Variants in NOS1AP observed in about 807,000 individuals in gnomAD.
NOS1AP encodes the protein carboxyl-terminal PDZ ligand of neuronal nitric oxide synthase protein.
NOS1AP carries 21 observed loss-of-function variants against 56.2 expected under a neutral mutation model. The ratio of observed to expected loss-of-function variants is 0.37; its 90% CI spans 0.26 to 0.54. The LOEUF (loss-of-function observed/expected upper bound fraction) is 0.54. Ranked by LOEUF, NOS1AP falls within the 20% of genes least tolerant of loss-of-function variation. The probability of loss-of-function intolerance (pLI) is 0.84; values close to 1 mark genes in which losing one functional copy is unlikely to be tolerated. For synonymous variants in NOS1AP, 270 were observed against 274.6 expected, an observed-to-expected ratio of 0.98 and a Z score of 0.17; for missense variants, 522 against 657.8, an observed-to-expected ratio of 0.79 and a Z score of 2.26.
At chr1:162,149,646 T>C (rs1649627334) in intron 1 of NOS1AP, among the ~76,000 whole-genome samples, 1 of 152,202 alleles carries the variant, frequency 6.6e-6, no homozygotes, top group Non-Finnish European at 1.5e-5. Flanking sequence ...TTGATTCATG[T>C]TATTAGAGTG....
At position 162,356,968 on chromosome 1, in the gene NOS1AP, C is replaced by A. The variant is rs749455601; in HGVS notation, c.771C>A (p.His257Gln). Reference protein sequence around the residue: ...GGSHTGSKVSHPQEPMLTASP... With the variant: ...GGSHTGSKVSQPQEPMLTASP... ...TTCTCCTTCTCCTCCAGGTTTCGCA[C>A]CCCCAGGAGCCCATGCTGACAGCCT... The change falls in exon 8 of 10, where the codon CAC becomes CAA. Residue 257 changes from histidine (H) to glutamine (Q), a missense_variant. Coordinates refer to ENST00000361897, the MANE Select transcript of NOS1AP (RefSeq NM_014697.3). The A allele has an allele frequency of 2.4e-5, 39 of 1,613,986 alleles. No individual in the cohort carries two copies. The highest frequency in any genetic ancestry group is 3.1e-5 in the Non-Finnish European group (36 of 1,180,048).
intron 1 of NOS1AP, among the ~76,000 whole-genome samples, chr1:162,071,239 G>A (rs1376256063): frequency 6.6e-6 from 1 of 152,178 alleles, no homozygotes; most frequent in Non-Finnish European, 1.5e-5. Flanking sequence ...AGGTGGAAAA[G>A]TATTGTCCCT....
chr1:162,338,409 C>G (rs904800285), intron 5 of NOS1AP, among the ~76,000 whole-genome samples: 1 of 152,192 alleles, frequency 6.6e-6, no homozygotes, highest in Non-Finnish European at 1.5e-5. Context: ...CTTATACTCT[C>G]TACTTGCTTA....
chr1:162,109,527 G>T (rs999299130), intron 1 of NOS1AP, among the ~76,000 whole-genome samples: 1 of 152,096 alleles, frequency 6.6e-6, no homozygotes, highest in African/African-American at 2.4e-5. Flanking sequence ...AACCAGAGTC[G>T]CCCTGTGTTG....
intron 1 of NOS1AP, among the ~76,000 whole-genome samples, chr1:162,080,980 T>A (rs568639873): frequency 3.3e-5 from 5 of 152,260 alleles, no homozygotes; most frequent in Non-Finnish European, 5.9e-5. Flanking sequence ...ATGGTCTACA[T>A]CTAGTAGTGG....
chr1:162,073,374 G>A (rs1691699994), intron 1 of NOS1AP, among the ~76,000 whole-genome samples: 1 of 152,182 alleles, frequency 6.6e-6, no homozygotes, highest in Admixed American at 6.5e-5. Flanking sequence ...TGTTGGCCAC[G>A]GGTTTGAGTC....
chr1:162,110,635 G>A (rs146284342), intron 1 of NOS1AP, among the ~76,000 whole-genome samples: 1 of 152,306 alleles, frequency 6.6e-6, no homozygotes, highest in African/African-American at 2.4e-5. Flanking sequence ...ACCTATCAGA[G>A]TATGGCTTAG....
chr1:162,264,715 C>G (rs1330935868), intron 2 of NOS1AP, among the ~76,000 whole-genome samples: 1 of 150,160 alleles, frequency 6.7e-6, no homozygotes, highest in Non-Finnish European at 1.5e-5. Context: ...CCATGTTGAC[C>G]AGGCTGGTCT....
intron 4 of NOS1AP, among the ~76,000 whole-genome samples, chr1:162,309,364 C>T (rs910305501): frequency 1.3e-5 from 2 of 152,110 alleles, no homozygotes; most frequent in African/African-American, 4.8e-5. Flanking sequence ...GATTTTAAAA[C>T]CAGCTGAAGG....
intron 1 of NOS1AP, among the ~76,000 whole-genome samples, chr1:162,104,351 A>G (rs1461160846): frequency 1.3e-5 from 2 of 151,820 alleles, no homozygotes; most frequent in Non-Finnish European, 2.9e-5. Flanking sequence ...TTTTTCCTTT[A>G]TTTCAACCTT....
At chr1:162,294,752 C>A (rs144540775) in intron 3 of NOS1AP, among the ~76,000 whole-genome samples, 1 of 152,136 alleles carries the variant, frequency 6.6e-6, no homozygotes, top group Non-Finnish European at 1.5e-5. Flanking sequence ...CCTTAGCAGA[C>A]GCGGAGGGCA....
At chr1:162,168,445 C>G (rs1650607662) in intron 2 of NOS1AP, among the ~76,000 whole-genome samples, 2 of 152,208 alleles carry the variant, frequency 1.3e-5, no homozygotes, top group Non-Finnish European at 2.9e-5. Context: ...TCTCTTTGGT[C>G]CTCAGCCAGG....
intron 1 of NOS1AP, among the ~76,000 whole-genome samples, chr1:162,133,976 A>T (rs1648870780): frequency 6.6e-6 from 1 of 152,228 alleles, no homozygotes; most frequent in Non-Finnish European, 1.5e-5. Context: ...GAGATAAGCT[A>T]ACTGGGGAGG....
chr1:162,221,532 GCGCACACA>G (rs60015197), intron 2 of NOS1AP, among the ~76,000 whole-genome samples: 2,974 of 132,746 alleles, frequency 0.022, 74 homozygotes, highest in African/African-American at 0.069. Context: ...ACACACACGC[GCGCACACA>G]CACACACACA....
intron 2 of NOS1AP, among the ~76,000 whole-genome samples, chr1:162,178,353 G>C (rs1406195979): frequency 2.6e-5 from 4 of 152,158 alleles, no homozygotes; most frequent in Non-Finnish European, 5.9e-5. Context: ...CATTCCATTT[G>C]AATAAAGGTG....
intron 4 of NOS1AP, among the ~76,000 whole-genome samples, chr1:162,305,103 A>G (rs140095086): frequency 6.6e-5 from 10 of 152,344 alleles, no homozygotes; most frequent in African/African-American, 2.4e-4. Flanking sequence ...ATAGAATAAC[A>G]GAATCATATA....
Position 162,300,695 on chromosome 1 carries a change from C to T in NOS1AP, c.333C>T (p.Asp111=), listed in dbSNP as rs1655622045. The T allele has an allele frequency of 1.2e-6, 2 of 1,613,948 alleles. No homozygotes were observed. Among genetic ancestry groups the T allele is most frequent in the East Asian group, 4.5e-5 (2 of 44,872 alleles). The part of the protein sequence containing the change: ...WDESKMLVMQ[D]PIYRIFYVSH... ...AGAGCAAGATGCTGGTGATGCAGGA[C>T]CCCATCTACAGGTAAGAGCCCAGTC... is the stretch of plus-strand genomic sequence containing the variant. Residue 111 remains aspartate, a synonymous_variant, in exon 4 of 10, where the codon GAC becomes GAT. Transcript: ENST00000361897.
At chr1:162,308,996 G>A (rs1655933633) in intron 4 of NOS1AP, among the ~76,000 whole-genome samples, 1 of 152,148 alleles carries the variant, frequency 6.6e-6, no homozygotes, top group African/African-American at 2.4e-5. Context: ...TGCCCATTTT[G>A]TTTTACCTCT....
At chr1:162,112,730 G>A (rs976560082) in intron 1 of NOS1AP, among the ~76,000 whole-genome samples, 1 of 152,128 alleles carries the variant, frequency 6.6e-6, no homozygotes, top group Non-Finnish European at 1.5e-5. Flanking sequence ...TCTGAAAAAG[G>A]GATATGTTTT....
Sources: allele counts gnomAD v4.1 joint callset (sites outside exome capture counted in the v4.1 genomes callset), GRCh38; gene constraint gnomAD v4.1.1; transcripts MANE v1.5; gene names NCBI Gene and HGNC (gene_info 2026-07-23, HGNC 2026-07-21).